ARK2C: variants seen among roughly 807,000 people sequenced by gnomAD.
The protein encoded by ARK2C is E3 ubiquitin-protein ligase ARK2C.
At chr18:46,435,781 A>C in the ARK2C span, among the ~76,000 whole-genome samples, 1 of 152,226 alleles carries the variant, frequency 6.6e-6, no homozygotes, top group Non-Finnish European at 1.5e-5. Flanking sequence ...TTTCTGGAGC[A>C]GGTGCATCTC....
At chr18:46,345,926 G>T in the ARK2C span, among the ~76,000 whole-genome samples, 1 of 152,204 alleles carries the variant, frequency 6.6e-6, no homozygotes, top group African/African-American at 2.4e-5. Context: ...GACCCAAGTT[G>T]TTCAGTGGCT....
At chr18:46,334,715 TGAGAGAGA>T in the ARK2C span, 529 of 124,380 alleles carry the variant, frequency 4.3e-3, 2 homozygotes, top group African/African-American at 0.012. This position sits in a 1 kb window ranked among gnomAD's most constrained non-coding sequence, Gnocchi z 4.4. Context: ...TGTGTGTGTG[TGAGAGAGA>T]GAGAGAGCGC....
chr18:46,413,653 G>C, the ARK2C span, among the ~76,000 whole-genome samples: 3 of 152,074 alleles, frequency 2.0e-5, no homozygotes, highest in African/African-American at 4.8e-5. Flanking sequence ...CCAGGGCAAA[G>C]GGGTGGGAGA....
At chr18:46,440,466 G>T in the ARK2C span, among the ~76,000 whole-genome samples, 2 of 152,190 alleles carry the variant, frequency 1.3e-5, no homozygotes, top group Non-Finnish European at 2.9e-5. Flanking sequence ...ATTATTCACA[G>T]TTTCAGGCAG....
chr18:46,391,464 A>G, the ARK2C span, among the ~76,000 whole-genome samples: 2 of 152,048 alleles, frequency 1.3e-5, no homozygotes, highest in African/African-American at 4.8e-5. Context: ...GGTTGCCGCT[A>G]TTCCACCCTC....
the ARK2C span, among the ~76,000 whole-genome samples, chr18:46,339,513 C>T: frequency 1.2e-4 from 18 of 152,302 alleles, no homozygotes; most frequent in African/African-American, 2.4e-4. Context: ...TGTGACTGGA[C>T]GATTCAGGAA....
chr18:46,343,956 C>A, the ARK2C span, among the ~76,000 whole-genome samples: 1 of 152,330 alleles, frequency 6.6e-6, no homozygotes, highest in East Asian at 1.9e-4. Flanking sequence ...TCTTGTTGGG[C>A]CACTGAGCGG....
At chr18:46,426,542 C>G in the ARK2C span, among the ~76,000 whole-genome samples, 1 of 152,216 alleles carries the variant, frequency 6.6e-6, no homozygotes, top group Non-Finnish European at 1.5e-5. Flanking sequence ...CAGGGCTATC[C>G]TCAGCCCTGG....
the ARK2C span, among the ~76,000 whole-genome samples, chr18:46,435,569 G>A: frequency 1.3e-5 from 2 of 152,204 alleles, no homozygotes; most frequent in Non-Finnish European, 2.9e-5. Context: ...ATGGTCCCAC[G>A]TGAGCCTGGT....
the ARK2C span, chr18:46,335,738 C>T: frequency 4.4e-6 from 1 of 225,926 alleles, no homozygotes; most frequent in Non-Finnish European, 7.4e-6. Context: ...CTATTTTATC[C>T]AGCCCAGCTG....
the ARK2C span, among the ~76,000 whole-genome samples, chr18:46,383,182 T>C: frequency 1.3e-5 from 2 of 152,172 alleles, no homozygotes; most frequent in Admixed American, 6.5e-5. Flanking sequence ...AAAAGGGAGA[T>C]GCCGTCAGGC....
the ARK2C span, among the ~76,000 whole-genome samples, chr18:46,396,675 C>T: frequency 4.6e-5 from 7 of 152,238 alleles, no homozygotes; most frequent in Non-Finnish European, 1.0e-4. Flanking sequence ...GTTCACTTCT[C>T]GGCCTGGCTG....
the ARK2C span, among the ~76,000 whole-genome samples, chr18:46,395,619 A>G: frequency 3.3e-5 from 5 of 152,172 alleles, no homozygotes; most frequent in Non-Finnish European, 5.9e-5. Flanking sequence ...TATGGCCCCA[A>G]AGTCCGGGAT....
chr18:46,392,220 C>T, the ARK2C span, among the ~76,000 whole-genome samples: 1,746 of 152,314 alleles, frequency 0.011, 26 homozygotes, highest in African/African-American at 0.04. Flanking sequence ...TCATCCCCAT[C>T]CTGTTCCCCT....
the ARK2C span, among the ~76,000 whole-genome samples, chr18:46,422,047 C>T: frequency 1.3e-5 from 2 of 152,116 alleles, no homozygotes; most frequent in Admixed American, 6.5e-5. Flanking sequence ...CAATAGGCCT[C>T]TTGGGGTTGA....
the ARK2C span, among the ~76,000 whole-genome samples, chr18:46,362,149 CA>C: frequency 6.6e-6 from 1 of 152,232 alleles, no homozygotes; most frequent in African/African-American, 2.4e-5. Flanking sequence ...CCCAAGGTGA[CA>C]AATGAGTCAA....
chr18:46,355,907 G>GTGATGA, the ARK2C span, among the ~76,000 whole-genome samples: 1 of 152,088 alleles, frequency 6.6e-6, no homozygotes, highest in African/African-American at 2.4e-5. Context: ...GACGACAATG[G>GTGATGA]TGATGATGAT....
At chr18:46,455,670 C>CTACAAAAA in the ARK2C span, among the ~76,000 whole-genome samples, 3 of 152,132 alleles carry the variant, frequency 2.0e-5, no homozygotes, top group East Asian at 1.9e-4. Flanking sequence ...AACCCTGTCT[C>CTACAAAAA]TACAAAAATA....
chr18:46,375,146 C>G, the ARK2C span, among the ~76,000 whole-genome samples: 826 of 152,330 alleles, frequency 5.4e-3, 1 homozygote, highest in Non-Finnish European at 8.8e-3. Flanking sequence ...CCCAACTCCC[C>G]CCGCCCTCAG....
Sources: gnomAD v4.1 joint callset for allele counts (sites outside exome capture counted in the v4.1 genomes callset) on GRCh38, gnomAD v4.1.1 for gene constraint, Gnocchi (gnomAD v3.1) non-coding constraint, MANE v1.5 for transcripts, NCBI Gene and HGNC (gene_info 2026-07-23, HGNC 2026-07-21) for gene names.